The following FSTL3 variants were observed in gnomAD, a reference collection of about 807,000 sequenced individuals.
FSTL3 encodes follistatin-related protein 3.
Under a neutral mutation model 28.1 loss-of-function variants are expected in FSTL3, and 21 were observed. The ratio of observed to expected loss-of-function variants is 0.75; its 90% CI spans 0.53 to 1.08. The LOEUF (loss-of-function observed/expected upper bound fraction) is 1.08. FSTL3 is among the 50% of genes least tolerant of loss of function. The probability of loss-of-function intolerance (pLI) is 0.00; values close to 1 mark genes in which losing one functional copy is unlikely to be tolerated. For synonymous variants in FSTL3, 199 were observed against 164.2 expected (o/e 1.21, Z -1.62); for missense variants, 400 against 380.9 (o/e 1.05, Z -0.42).
chr19:679,918 G>C (rs2144799391), intron 2 of FSTL3: 1 of 172,010 alleles, frequency 5.8e-6, no homozygotes, highest in East Asian at 1.6e-4. Context: ...AAGAGCGCGT[G>C]CATCGGGAGC....
chr19:681,333 A>G lies in FSTL3; in HGVS notation c.506A>G (p.Lys169Arg). 1 of 1,559,138 alleles carries G rather than the reference A, an allele frequency of 6.4e-7. No individual in the cohort carries two copies. The highest frequency in any genetic ancestry group is 8.6e-7 in the Non-Finnish European group (1 of 1,158,580). The part of the protein sequence containing the change: ...LSVMYRGRCR[K>R]SCEHVVCPRP... ...ACTTCCCCTGGCACCCGGCCTGCAG[A>G]GTCCTGTGAGCACGTGGTGTGCCCG... The change falls in exon 4 of 5, where the codon AAG (lysine) becomes AGG (arginine). Residue 169 changes from lysine to arginine, a missense_variant and splice_region_variant. Coordinates refer to ENST00000166139, the MANE Select transcript of FSTL3 (RefSeq NM_005860.3).
intron 2 of FSTL3, 68 bp from the exon 3 acceptor site, chr19:680,206 G>A (rs970966686): frequency 1.5e-5 from 16 of 1,042,864 alleles, no homozygotes; most frequent in Admixed American, 4.3e-5. Context: ...GGGCCCCGAG[G>A]CCTTCGCGCG....
At position 680,428 on chromosome 19, in the gene FSTL3, G is replaced by C; in HGVS notation, c.444G>C (p.Leu148=). The C allele has an allele frequency of 6.3e-6, 8 of 1,266,584 alleles. No individual in the cohort carries two copies. The highest frequency in any genetic ancestry group is 7.9e-6 in the Non-Finnish European group (8 of 1,008,398). The allele number at this position is 1,266,584 out of a possible 1,614,324, so 78.5% of individuals were successfully genotyped here. ...CCACCTACCGCGACGAGTGCGAGCTGCGCGCCGCGCGCTGCCGCGGCCACC... is the reference window on the plus strand; with the variant it reads ...CCACCTACCGCGACGAGTGCGAGCTCCGCGCCGCGCGCTGCCGCGGCCACC... The part of the protein sequence containing the change: ...DGATYRDECE[L]RAARCRGHPD... Residue 148 remains leucine, a synonymous_variant, in exon 3 of 5, where the codon CTG becomes CTC. Transcript: ENST00000166139.
intron 2 of FSTL3, among the ~76,000 whole-genome samples, chr19:678,385 GC>G (rs1196644269): frequency 2.6e-5 from 4 of 152,082 alleles, no homozygotes; most frequent in Admixed American, 6.6e-5. Flanking sequence ...TGTTTAACAA[GC>G]ATTTGCCTCG....
rs559985631 is a variant in FSTL3, at chr19:676,877, C to T, written c.103+351C>T. ...TAGCAGGCAAAGCCAGGGTTCTAGC[C>T]GCGACCGTCCGGGTCGGTCCTGGTG... is the stretch of plus-strand genomic sequence containing the variant. On this transcript the variant is annotated intron_variant, in intron 1 of 4. Coordinates refer to ENST00000166139, the MANE Select transcript of FSTL3 (RefSeq NM_005860.3). Among the ~76,000 whole-genome samples, 11 of 150,132 alleles carry T rather than the reference C, an allele frequency of 7.3e-5. No individual in the cohort carries two copies. In the South Asian group the frequency reaches 1.1e-3, roughly 15 times the overall value.
Position 676,469 on chromosome 19 carries a change from GC to G in FSTL3, c.49del (p.Leu17TrpfsTer8). The G allele has an allele frequency of 1.7e-6, 2 of 1,202,692 alleles. No individual in the cohort carries two copies. The highest frequency in any genetic ancestry group is 4.1e-5 in the Admixed American group (1 of 24,182). 74.5% of individuals were successfully genotyped at this position (1,202,692 alleles called of 1,614,324 possible). A position where few individuals can be genotyped will look rare whatever the true frequency, so the allele number is the denominator to read the frequency against. ...PGPLWPLPWG[A>X]LAWAVGFVSS... ...GCCACTCTGGCCTCTGCCCTGGGGG[GC>G]CCTGGCTTGGGCCGTGGGCTTCGTG... On this transcript the variant is annotated frameshift_variant, in exon 1 of 5. Transcript: ENST00000166139. LOFTEE classifies it high-confidence loss of function.
intron 2 of FSTL3, among the ~76,000 whole-genome samples, chr19:679,634 T>A (rs369642932): frequency 6.6e-6 from 1 of 152,176 alleles, no homozygotes; most frequent in East Asian, 1.9e-4. Context: ...AGCATTCACA[T>A]TGAAAGCGGG....
intron 3 of FSTL3, chr19:680,810 G>C (rs1204675714): frequency 3.6e-6 from 1 of 280,216 alleles, no homozygotes; most frequent in Non-Finnish European, 6.7e-6. Context: ...GGAGTATCAC[G>C]GGGTAGGGTC....
chr19:677,726 T>G, intron 1 of FSTL3, 66 bp from the exon 2 acceptor site: 1 of 1,459,262 alleles, frequency 6.9e-7, no homozygotes, highest in Non-Finnish European at 9.2e-7. Flanking sequence ...TGCATGCATC[T>G]GTGGGCGGGC....
In FSTL3 at chr19:681,824, AC is replaced by A; in HGVS notation, c.*118del. On this transcript the variant is annotated 3_prime_UTR_variant, in exon 5 of 5. Coordinates refer to ENST00000166139, the MANE Select transcript of FSTL3 (RefSeq NM_005860.3). ...GACACTCCTTAGAGCCCGGATTCGG[AC>A]CACTTGGGGATCCCAGAACCTCCCT... The A allele has an allele frequency of 1.1e-6, 1 of 925,646 alleles. No homozygotes were observed. The highest frequency in any genetic ancestry group is 1.7e-6 in the Non-Finnish European group (1 of 592,358). 57.3% of individuals were successfully genotyped at this position (925,646 alleles called of 1,614,324 possible).
chr19:681,681 T>C lies in FSTL3; in HGVS notation c.765T>C (p.Ser255=). The change falls in exon 5 of 5, where the codon TCT becomes TCC. Residue 255 remains serine, a synonymous_variant. Coordinates refer to ENST00000166139, the MANE Select transcript of FSTL3 (RefSeq NM_005860.3). ...CTGAGGAGCCGCCAGGTGGTGAGTC[T>C]GCAGAAGAGGAAGAGAACTTCGTGT... ...GTPEEPPGGE[S]AEEEENFV is the part of the protein sequence containing the mutation. 4.5e-6 allele frequency: 7 copies of C among 1,568,556 alleles called. No individual in the cohort carries two copies. The highest frequency in any genetic ancestry group is 1.9e-5 in the Admixed American group (1 of 53,288).
chr19:679,604 G>C (rs1400201405), intron 2 of FSTL3, among the ~76,000 whole-genome samples: 2 of 152,246 alleles, frequency 1.3e-5, no homozygotes, highest in African/African-American at 2.4e-5. Flanking sequence ...GGGAAGATGC[G>C]ATAAGCCTAG....
intron 1 of FSTL3, among the ~76,000 whole-genome samples, chr19:677,396 G>T (rs2144797015): frequency 6.6e-6 from 1 of 152,254 alleles, no homozygotes; most frequent in East Asian, 1.9e-4. Context: ...GCCCTCGGGT[G>T]CTGTCTAGAC....
Position 680,343 on chromosome 19 carries a change from A to C in FSTL3, c.359A>C (p.Glu120Ala). Residue 120 changes from glutamate to alanine, a missense_variant, in exon 3 of 5, where the codon GAG becomes GCG. Coordinates refer to ENST00000166139, the MANE Select transcript of FSTL3 (RefSeq NM_005860.3). ...ATGCTGGGGGGCCGCCCGCGCTGCGAGTGCGCGCCCGACTGCTCGGGGCTC... is the reference window on the plus strand; with the variant it reads ...ATGCTGGGGGGCCGCCCGCGCTGCGCGTGCGCGCCCGACTGCTCGGGGCTC... ...CRMLGGRPRCECAPDCSGLPA... is the reference protein window; with the variant it reads ...CRMLGGRPRCACAPDCSGLPA... 3 of 1,281,252 alleles carry C rather than the reference A, an allele frequency of 2.3e-6. No individual in the cohort carries two copies. The highest frequency in any genetic ancestry group is 2.9e-6 in the Non-Finnish European group (3 of 1,018,682). 79.4% of individuals were successfully genotyped at this position (1,281,252 alleles called of 1,614,324 possible). A position where few individuals can be genotyped will look rare whatever the true frequency, so the allele number is the denominator to read the frequency against.
chr19:680,958 G>A (rs1338869475), intron 3 of FSTL3: 6 of 312,390 alleles, frequency 1.9e-5, no homozygotes, highest in Non-Finnish European at 3.6e-5. Context: ...ATGGAACCAG[G>A]GGGGTGAGAC....
chr19:682,409 C>G lies in FSTL3; in HGVS notation c.*701C>G, dbSNP rs184349924. 1,166 of 235,196 alleles carry G rather than the reference C, an allele frequency of 5.0e-3. 55 individuals are homozygous for G. The Admixed American group carries it at 0.058, about 12-fold the overall frequency. The allele number at this position is 235,196 out of a possible 1,614,324, so 14.6% of individuals were successfully genotyped here. A position where few individuals can be genotyped will look rare whatever the true frequency, so the allele number is the denominator to read the frequency against. On this transcript the variant is annotated 3_prime_UTR_variant, in exon 5 of 5. Transcript: ENST00000166139. ...GCCTGGGTGAGTATGGAGGGTCTAG[C>G]CTGGGTGTGTACGGAGGGTCTAGTC...
intron 2 of FSTL3, 77 bp downstream of exon 2, chr19:678,054 G>C: frequency 7.2e-7 from 1 of 1,389,126 alleles, no homozygotes; most frequent in South Asian, 1.3e-5. Context: ...GTCGAGGGCC[G>C]AACGTCCAGG....
Position 680,957 on chromosome 19 carries a change from G to A in FSTL3, c.506-376G>A, listed in dbSNP as rs1297949773. ...TAACCAGAGGGGCATGATGGAACCA[G>A]GGGGGTGAGACTGGGTCATGTAAGG... On this transcript the variant is annotated intron_variant, in intron 3 of 4. Coordinates refer to ENST00000166139, the MANE Select transcript of FSTL3 (RefSeq NM_005860.3). 1.9e-5 allele frequency: 6 copies of A among 311,630 alleles called. No homozygotes were observed. The East Asian group carries it at 3.3e-4, about 17-fold the overall frequency. The allele number at this position is 311,630 out of a possible 1,614,324, so 19.3% of individuals were successfully genotyped here.
chr19:677,233 C>T (rs868126569), intron 1 of FSTL3, among the ~76,000 whole-genome samples: 10 of 152,338 alleles, frequency 6.6e-5, no homozygotes, highest in South Asian at 2.1e-4. Flanking sequence ...CCACCCCAGC[C>T]CTGCGCCAAA....
Sources: gnomAD v4.1 joint callset for allele counts (sites outside exome capture counted in the v4.1 genomes callset) on GRCh38, gnomAD v4.1.1 for gene constraint, MANE v1.5 for transcripts, NCBI Gene and HGNC (gene_info 2026-07-23, HGNC 2026-07-21) for gene names.